The following CACNB2 variants were observed in gnomAD, a reference collection of about 807,000 sequenced individuals.
CACNB2 encodes calcium voltage-gated channel auxiliary subunit beta 2.
CACNB2 carries 42 observed loss-of-function variants against 73.3 expected under a neutral mutation model. The observed-to-expected ratio is 0.57, with a 90% CI of 0.45 to 0.74. The LOEUF (loss-of-function observed/expected upper bound fraction) is 0.74. Ranked by LOEUF, CACNB2 falls within the 30% of genes least tolerant of loss-of-function variation. The pLI, the probability that CACNB2 is intolerant of heterozygous loss-of-function variation, is 0.00. For missense variants in CACNB2, 940 were observed against 853.0 expected (o/e 1.10, Z -1.27); for synonymous variants, 348 against 310.3 (o/e 1.12, Z -1.28).
chr10:18,180,988 A>G (rs1434559242), intron 2 of CACNB2, among the ~76,000 whole-genome samples: 3 of 151,754 alleles, frequency 2.0e-5, no homozygotes, highest in Admixed American at 2.0e-4. Context: ...AAAACAAAAC[A>G]AAAAAAGAAA....
intron 2 of CACNB2, among the ~76,000 whole-genome samples, chr10:18,353,276 G>A (rs918538301): frequency 6.6e-5 from 10 of 152,096 alleles, no homozygotes; most frequent in African/African-American, 2.4e-4. Flanking sequence ...CGGGCACAGT[G>A]GTGGGCACCT....
At chr10:18,270,209 C>T (rs1328828505) in intron 2 of CACNB2, among the ~76,000 whole-genome samples, 2 of 152,056 alleles carry the variant, frequency 1.3e-5, no homozygotes, top group African/African-American at 4.8e-5. Context: ...GGGGAAGAAC[C>T]CCTTATAAAA....
intron 2 of CACNB2, among the ~76,000 whole-genome samples, chr10:18,188,284 C>T (rs1185444792): frequency 6.6e-6 from 1 of 151,744 alleles, no homozygotes; most frequent in East Asian, 1.9e-4. Flanking sequence ...TCCTTCTTGC[C>T]TCCTTTCCTT....
rs1336353571 is a variant in CACNB2, at chr10:18,536,170, G to A, written c.1276G>A (p.Ala426Thr). Residue 426 changes from alanine (A) to threonine (T), a missense_variant, in exon 12 of 14, where the codon GCT (alanine) becomes ACT (threonine). Coordinates refer to ENST00000324631, the MANE Select transcript of CACNB2 (RefSeq NM_201596.3). ...AKHLNVQMVA[A>T]DKLAQCPPEL... Reference sequence around the variant, plus strand: ...ACACCTCAACGTCCAGATGGTAGCAGCTGATAAACTGGCTCAGTGTCCTCC... The same window carrying A: ...ACACCTCAACGTCCAGATGGTAGCAACTGATAAACTGGCTCAGTGTCCTCC... 5.7e-6 allele frequency: 9 copies of A among 1,590,262 alleles called. No individual in the cohort carries two copies. Among genetic ancestry groups the A allele is most frequent in the Admixed American group, 1.7e-5 (1 of 58,716 alleles).
At position 18,326,320 on chromosome 10, in the gene CACNB2, G is replaced by T. The variant is rs374114380; in HGVS notation, c.214-75604G>T. 2.2e-4 allele frequency among the ~76,000 whole-genome samples: 33 copies of T among 152,324 alleles called. No homozygotes were observed. In the East Asian group the frequency reaches 6.2e-3, roughly 29 times the overall value. The stretch of plus-strand genomic sequence containing the variant: ...AAGGCATTCCTCCAGTGTACTTCAT[G>T]GCTTGAATTCAAAATCATGTTCCAA... On this transcript the variant is annotated intron_variant, in intron 2 of 13. Coordinates refer to ENST00000324631, the MANE Select transcript of CACNB2 (RefSeq NM_201596.3).
chr10:18,141,356 G>T, intron 1 of CACNB2: 1 of 791,502 alleles, frequency 1.3e-6, no homozygotes. Context: ...GCGAATATGG[G>T]GGTGCCCTGC....
intron 3 of CACNB2, among the ~76,000 whole-genome samples, chr10:18,432,450 C>CTCTGTGTGTGTGTGTG (rs1411132620): frequency 1.3e-5 from 2 of 150,628 alleles, no homozygotes; most frequent in African/African-American, 4.9e-5. Context: ...GTGTGTGTCT[C>CTCTGTGTGTGTGTGTG]TGTGTGTGTG....
chr10:18,220,193 A>ATGTGTG (rs1327384541), intron 2 of CACNB2, among the ~76,000 whole-genome samples: 1 of 31,240 alleles, frequency 3.2e-5, no homozygotes, highest in Non-Finnish European at 5.3e-5. Flanking sequence ...ATACATATAT[A>ATGTGTG]TGTGTGTGTA....
At chr10:18,410,898 G>T (rs1330698663) in intron 3 of CACNB2, among the ~76,000 whole-genome samples, 1 of 151,984 alleles carries the variant, frequency 6.6e-6, no homozygotes, top group South Asian at 2.1e-4. Flanking sequence ...GAGAATCACT[G>T]GAACCCAGGA....
At chr10:18,482,882 A>C (rs760760137) in intron 3 of CACNB2, among the ~76,000 whole-genome samples, 1 of 152,124 alleles carries the variant, frequency 6.6e-6, no homozygotes, top group Admixed American at 6.5e-5. Context: ...AGATGTTCCA[A>C]TGATAACCTT....
At chr10:18,240,553 T>A (rs1388356697) in intron 2 of CACNB2, among the ~76,000 whole-genome samples, 1 of 152,132 alleles carries the variant, frequency 6.6e-6, no homozygotes, top group Non-Finnish European at 1.5e-5. Flanking sequence ...TCCTCTTGGT[T>A]TTCTCAAAAA....
chr10:18,366,411 G>T (rs1389462145), intron 2 of CACNB2, among the ~76,000 whole-genome samples: 1 of 146,768 alleles, frequency 6.8e-6, no homozygotes, highest in Non-Finnish European at 1.5e-5. Flanking sequence ...CTTGCAGTAA[G>T]CCAAGATCGC....
At chr10:18,353,424 A>G (rs1211869817) in intron 2 of CACNB2, among the ~76,000 whole-genome samples, 1 of 149,642 alleles carries the variant, frequency 6.7e-6, no homozygotes, top group East Asian at 1.9e-4. Flanking sequence ...AAAAAAAAAA[A>G]TTATGATTCT....
chr10:18,420,411 C>A (rs956785872), intron 3 of CACNB2, among the ~76,000 whole-genome samples: 3 of 151,924 alleles, frequency 2.0e-5, no homozygotes, highest in Non-Finnish European at 4.4e-5. Context: ...TAAGAAATCC[C>A]ATGATCTGAT....
chr10:18,481,725 A>G lies in CACNB2; in HGVS notation c.334-16630A>G, dbSNP rs528023598. 2.0e-5 allele frequency among the ~76,000 whole-genome samples: 3 copies of G among 152,136 alleles called. No homozygotes were observed. The South Asian group carries it at 6.2e-4, about 32-fold the overall frequency. ...TCTGGCCCCTCTCTTCTATTCCCTG[A>G]GATTGTACTCTTATATAAGCTCAGT... On this transcript the variant is annotated intron_variant, in intron 3 of 13. Transcript: ENST00000324631.
In CACNB2 at chr10:18,486,814, T is replaced by C. The variant is rs182414196; in HGVS notation, c.334-11541T>C. On this transcript the variant is annotated intron_variant, in intron 3 of 13. Transcript: ENST00000324631. ...TTTCTGGACCATCCTTTTGGGTCTGTAGGCCAGATAGTAATGAAGCATTAT... is the reference window on the plus strand; with the variant it reads ...TTTCTGGACCATCCTTTTGGGTCTGCAGGCCAGATAGTAATGAAGCATTAT... Among the ~76,000 whole-genome samples, 547 of 152,264 alleles carry C rather than the reference T, an allele frequency of 3.6e-3. 2 individuals are homozygous for C. The highest frequency in any genetic ancestry group is 6.3e-3 in the Non-Finnish European group (429 of 68,018).
intron 3 of CACNB2, among the ~76,000 whole-genome samples, chr10:18,413,354 T>G (rs1462585612): frequency 2.0e-5 from 3 of 152,206 alleles, no homozygotes; most frequent in Non-Finnish European, 4.4e-5. Context: ...TTTAAACCAC[T>G]GCCATCTTCC....
intron 2 of CACNB2, among the ~76,000 whole-genome samples, chr10:18,376,002 A>T (rs1386213992): frequency 2.6e-5 from 4 of 152,228 alleles, no homozygotes; most frequent in African/African-American, 7.2e-5. Flanking sequence ...ATATATACCC[A>T]AAAGAAAGGG....
chr10:18,346,954 T>A (rs112972871), intron 2 of CACNB2, among the ~76,000 whole-genome samples: 193 of 152,272 alleles, frequency 1.3e-3, no homozygotes, highest in Non-Finnish European at 1.7e-3. Context: ...AAATCACATC[T>A]AAGATCCTTA....
Sources: gnomAD v4.1 joint callset for allele counts (sites outside exome capture counted in the v4.1 genomes callset) on GRCh38, gnomAD v4.1.1 for gene constraint, MANE v1.5 for transcripts, NCBI Gene and HGNC (gene_info 2026-07-23, HGNC 2026-07-21) for gene names.